LRRTM4: variants seen among roughly 807,000 people sequenced by gnomAD.
The protein encoded by LRRTM4 is leucine rich repeat transmembrane neuronal 4, also known as leucine-rich repeat transmembrane neuronal protein 4.
LRRTM4 carries 25 observed loss-of-function variants against 47.6 expected under a neutral mutation model. The ratio of observed to expected loss-of-function variants is 0.53; its 90% confidence interval spans 0.38 to 0.73. The LOEUF is 0.73. Among genes scored for constraint, LRRTM4 ranks in the 30% least tolerant of loss-of-function variants. The probability of loss-of-function intolerance (pLI) is 0.00; values close to 1 mark genes in which losing one functional copy is unlikely to be tolerated. For synonymous variants in LRRTM4, 311 were observed against 269.5 expected, an observed-to-expected ratio of 1.15 and a Z score of -1.51; for missense variants, 638 against 713.4, an observed-to-expected ratio of 0.89 and a Z score of 1.20.
At chr2:77,081,257 C>CAG (rs763738797) in intron 3 of LRRTM4, among the ~76,000 whole-genome samples, 24 of 123,076 alleles carry the variant, frequency 2.0e-4, no homozygotes, top group Admixed American at 1.1e-3. Context: ...AACACACACA[C>CAG]ACACACACAC....
intron 3 of LRRTM4, among the ~76,000 whole-genome samples, chr2:77,311,293 A>C (rs116681256): frequency 0.03 from 4,545 of 152,290 alleles, 227 homozygotes; most frequent in African/African-American, 0.1. Flanking sequence ...AGAACAACTT[A>C]GACCAGTTGA....
chr2:77,320,702 T>G (rs1341128191), intron 3 of LRRTM4, among the ~76,000 whole-genome samples: 1 of 152,114 alleles, frequency 6.6e-6, no homozygotes, highest in Non-Finnish European at 1.5e-5. Context: ...TATTCATGGT[T>G]ATTATACCTA....
intron 3 of LRRTM4, among the ~76,000 whole-genome samples, chr2:76,973,351 A>T (rs1000051253): frequency 6.6e-6 from 1 of 152,022 alleles, no homozygotes; most frequent in Non-Finnish European, 1.5e-5. Flanking sequence ...TTGAATAGCT[A>T]ACTTTTTGTC....
chr2:77,277,066 CA>C (rs964542693), intron 3 of LRRTM4, among the ~76,000 whole-genome samples: 6 of 151,986 alleles, frequency 3.9e-5, no homozygotes, highest in African/African-American at 1.4e-4. Context: ...CAGTGACTTA[CA>C]ACTACACAGT....
rs779973927 is a variant in LRRTM4 at position 77,518,796 on chromosome 2, T to C, written c.1073A>G (p.Asn358Ser). ...EKVSDAVETY[N>S]ICSEVQVVNT... ...GACCACCTGGACTTCAGAACAGATA[T>C]TATATGTTTCCACTGCATCACTAAC... The change falls in exon 3 of 4, where the codon AAT (asparagine) becomes AGT (serine). Residue 358 changes from asparagine (N) to serine (S), a missense_variant. Coordinates refer to ENST00000409884, the MANE Select transcript of LRRTM4 (RefSeq NM_001134745.3). The C allele has an allele frequency of 6.2e-6, 10 of 1,612,408 alleles. No individual in the cohort carries two copies. Among genetic ancestry groups the C allele is most frequent in the African/African-American group, 1.3e-5 (1 of 74,848 alleles).
intron 3 of LRRTM4, among the ~76,000 whole-genome samples, chr2:76,844,786 C>G (rs138753565): frequency 2.6e-5 from 4 of 152,218 alleles, no homozygotes; most frequent in African/African-American, 7.2e-5. Flanking sequence ...ATGAGGAGTG[C>G]TGGTATAATA....
intron 3 of LRRTM4, among the ~76,000 whole-genome samples, chr2:77,294,635 T>G (rs144674830): frequency 6.6e-6 from 1 of 152,264 alleles, no homozygotes; most frequent in East Asian, 1.9e-4. Context: ...CTTGCCCTAC[T>G]TGTAATAAGA....
rs1052910070 is a variant in LRRTM4, at chr2:77,519,207, T to C, written c.662A>G (p.Asn221Ser). 1.4e-5 allele frequency: 22 copies of C among 1,613,322 alleles called. No individual in the cohort carries two copies. Among genetic ancestry groups the C allele is most frequent in the Middle Eastern group, 1.7e-4 (1 of 6,052 alleles). ...GAAGAGACGTGGAAAATGAGCAAAG[T>C]TGATCTTGGAAAACTGGTTGTGCTC... ...HLEHNQFSKI[N>S]FAHFPRLFNL... Residue 221 changes from asparagine (N) to serine (S), a missense_variant, in exon 3 of 4, where the codon AAC becomes AGC. Asn to Ser is a conservative substitution (Grantham distance 46). Transcript: ENST00000409884. The surrounding 1 kb of genome is among the most constrained non-coding windows in gnomAD (Gnocchi z 4.6).
chr2:76,940,579 A>G (rs1381296383), intron 3 of LRRTM4, among the ~76,000 whole-genome samples: 1 of 152,082 alleles, frequency 6.6e-6, no homozygotes, highest in Non-Finnish European at 1.5e-5. Context: ...TGTACAACAA[A>G]CCCCCATGAC....
At chr2:76,801,921 T>G (rs767127808) in intron 3 of LRRTM4, among the ~76,000 whole-genome samples, 1 of 152,096 alleles carries the variant, frequency 6.6e-6, no homozygotes, top group Non-Finnish European at 1.5e-5. Context: ...AAATTCAACA[T>G]CTTTTCATGG....
At chr2:77,414,370 C>A (rs948153215) in intron 3 of LRRTM4, among the ~76,000 whole-genome samples, 1 of 152,042 alleles carries the variant, frequency 6.6e-6, no homozygotes. Context: ...AAAAAAAGAG[C>A]GAAATACTTA....
intron 3 of LRRTM4, among the ~76,000 whole-genome samples, chr2:77,212,081 G>A (rs539265845): frequency 3.2e-4 from 48 of 151,998 alleles, no homozygotes; most frequent in African/African-American, 1.1e-3. Flanking sequence ...CACAATGTAC[G>A]TTAAAATGTG....
Position 76,825,705 on chromosome 2 carries a change from T to C in LRRTM4, c.1552-76789A>G, listed in dbSNP as rs192252252. Among the ~76,000 whole-genome samples the C allele has an allele frequency of 4.0e-5, 6 of 151,750 alleles. No individual in the cohort carries two copies. The East Asian group carries it at 1.2e-3, about 29-fold the overall frequency. On this transcript the variant is annotated intron_variant, in intron 3 of 3. Coordinates refer to ENST00000409884, the MANE Select transcript of LRRTM4 (RefSeq NM_001134745.3). ...AAAAATGTAAATGGGGACATATACATTGTGTTTAAATTCATGAGACCGAAT... is the reference window on the plus strand; with the variant it reads ...AAAAATGTAAATGGGGACATATACACTGTGTTTAAATTCATGAGACCGAAT...
chr2:77,501,752 A>C (rs1678577926), intron 3 of LRRTM4, among the ~76,000 whole-genome samples: 1 of 151,388 alleles, frequency 6.6e-6, no homozygotes, highest in Non-Finnish European at 1.5e-5. Context: ...AGGATTAATA[A>C]ACTACTTAAA....
chr2:77,068,907 T>A (rs542438898), intron 3 of LRRTM4, among the ~76,000 whole-genome samples: 1 of 151,296 alleles, frequency 6.6e-6, no homozygotes, highest in South Asian at 2.1e-4. Context: ...GAAAACCGCT[T>A]AAAGGCATTC....
At chr2:77,496,298 C>G (rs1678360928) in intron 3 of LRRTM4, among the ~76,000 whole-genome samples, 1 of 151,826 alleles carries the variant, frequency 6.6e-6, no homozygotes, top group South Asian at 2.1e-4. Context: ...ACATTTTTCT[C>G]TAATCTCTAT....
At chr2:76,908,994 T>C (rs1673951450) in intron 3 of LRRTM4, among the ~76,000 whole-genome samples, 1 of 152,124 alleles carries the variant, frequency 6.6e-6, no homozygotes, top group Non-Finnish European at 1.5e-5. Flanking sequence ...AAAAAACTAC[T>C]TTAAAGTTCA....
intron 3 of LRRTM4, among the ~76,000 whole-genome samples, chr2:76,879,925 C>G (rs906047778): frequency 1.3e-5 from 2 of 152,166 alleles, no homozygotes; most frequent in Admixed American, 1.3e-4. Flanking sequence ...GTGGTGGAAA[C>G]AGCGTAAGAA....
intron 3 of LRRTM4, among the ~76,000 whole-genome samples, chr2:77,076,752 T>C (rs558835919): frequency 6.6e-6 from 1 of 152,176 alleles, no homozygotes; most frequent in Non-Finnish European, 1.5e-5. Context: ...TTAAGTTGCG[T>C]GATTTTGAGA....
Sources: allele counts gnomAD v4.1 joint callset (sites outside exome capture counted in the v4.1 genomes callset), GRCh38; gene constraint gnomAD v4.1.1; non-coding constraint Gnocchi (gnomAD v3.1); transcripts MANE v1.5; gene names NCBI Gene and HGNC (gene_info 2026-07-23, HGNC 2026-07-21).